The following TMEM132D variants were observed in gnomAD, a reference collection of about 807,000 sequenced individuals.
TMEM132D encodes transmembrane protein 132D.
Under a neutral mutation model 62.3 loss-of-function variants are expected in TMEM132D, and 21 were observed. That is an observed-to-expected ratio of 0.34 (90% CI 0.24 to 0.49). The LOEUF (loss-of-function observed/expected upper bound fraction) is 0.49. TMEM132D is among the 20% of genes least tolerant of loss of function. TMEM132D has a pLI of 0.99. For synonymous variants in TMEM132D, 621 were observed against 575.6 expected, an observed-to-expected ratio of 1.08 and a Z score of -1.13; for missense variants, 1,346 against 1,402.8, an observed-to-expected ratio of 0.96 and a Z score of 0.65.
At chr12:129,638,556 A>AAC (rs1879550996) in intron 2 of TMEM132D, among the ~76,000 whole-genome samples, 1 of 44,982 alleles carries the variant, frequency 2.2e-5, no homozygotes, top group Non-Finnish European at 5.3e-5. Flanking sequence ...AACATATATA[A>AAC]ATATATAAAC....
intron 3 of TMEM132D, among the ~76,000 whole-genome samples, chr12:129,474,338 T>G (rs948303812): frequency 2.0e-5 from 3 of 152,236 alleles, no homozygotes; most frequent in African/African-American, 7.2e-5. Flanking sequence ...CCTAAGTACT[T>G]TATTACAATT....
intron 3 of TMEM132D, among the ~76,000 whole-genome samples, chr12:129,340,925 A>G (rs1054847938): frequency 1.3e-5 from 2 of 152,190 alleles, no homozygotes; most frequent in East Asian, 1.9e-4. Flanking sequence ...TTCTGGAAAG[A>G]TTCCTTAGCT....
chr12:129,376,052 G>A (rs1870770867), intron 3 of TMEM132D, among the ~76,000 whole-genome samples: 1 of 152,236 alleles, frequency 6.6e-6, no homozygotes, highest in Admixed American at 6.5e-5. Context: ...GAACTAGGGT[G>A]AGAATGTGAT....
At chr12:129,240,678 A>G (rs1325072294) in intron 4 of TMEM132D, among the ~76,000 whole-genome samples, 1 of 152,226 alleles carries the variant, frequency 6.6e-6, no homozygotes, top group East Asian at 1.9e-4. Context: ...TTGTCTTCCA[A>G]GATAGAACTC....
chr12:129,877,609 G>GCA (rs1447508887), intron 1 of TMEM132D, among the ~76,000 whole-genome samples: 13 of 94,146 alleles, frequency 1.4e-4, no homozygotes, highest in Admixed American at 9.5e-4. Flanking sequence ...AAACGCGCGC[G>GCA]CGCGCACACA....
At chr12:129,843,941 A>AT (rs1426595139) in intron 1 of TMEM132D, among the ~76,000 whole-genome samples, 8 of 151,536 alleles carry the variant, frequency 5.3e-5, no homozygotes, top group African/African-American at 1.9e-4. Context: ...TTAAAAAAAA[A>AT]ATTTTTTTAA....
intron 2 of TMEM132D, among the ~76,000 whole-genome samples, chr12:129,683,614 C>T (rs895389213): frequency 6.6e-6 from 1 of 152,134 alleles, no homozygotes; most frequent in Non-Finnish European, 1.5e-5. Flanking sequence ...TGGACATTCC[C>T]ATGAGTGTCT....
At position 129,713,017 on chromosome 12, in the gene TMEM132D, C is replaced by T. The variant is rs147046495; in HGVS notation, c.80-12319G>A. On this transcript the variant is annotated intron_variant, in intron 1 of 8. Transcript: ENST00000422113. ...TTTAGCCACTGTTACTTAGCAGCCT[C>T]GTCACTCACAGCTGAGCCTAACCCT... 1.1e-3 allele frequency among the ~76,000 whole-genome samples: 168 copies of T among 152,266 alleles called. 2 individuals are homozygous for T. The highest frequency in any genetic ancestry group is 3.8e-3 in the African/African-American group (159 of 41,540).
intron 1 of TMEM132D, among the ~76,000 whole-genome samples, chr12:129,787,134 T>C (rs1423948308): frequency 1.3e-5 from 2 of 149,828 alleles, no homozygotes; most frequent in African/African-American, 5.0e-5. Flanking sequence ...CCCTCCTCAT[T>C]ATAATTTCTA....
At chr12:129,566,395 T>G (rs1877368973) in intron 2 of TMEM132D, among the ~76,000 whole-genome samples, 1 of 152,036 alleles carries the variant, frequency 6.6e-6, no homozygotes, top group Non-Finnish European at 1.5e-5. Flanking sequence ...CCAAGGTCCT[T>G]CTGAAGTTAA....
At chr12:129,473,321 T>TTTG (rs1297770398) in intron 3 of TMEM132D, among the ~76,000 whole-genome samples, 1 of 102,252 alleles carries the variant, frequency 9.8e-6, no homozygotes, top group Non-Finnish European at 1.9e-5. Context: ...GATTTTAGTT[T>TTTG]TTGTTTTTTT....
chr12:129,248,240 C>T (rs1236057712), intron 4 of TMEM132D, among the ~76,000 whole-genome samples: 1 of 152,186 alleles, frequency 6.6e-6, no homozygotes, highest in Non-Finnish European at 1.5e-5. Flanking sequence ...TCATAGGTGG[C>T]TGGTTTCTCT....
intron 5 of TMEM132D, among the ~76,000 whole-genome samples, chr12:129,181,481 G>A (rs1188549325): frequency 1.3e-5 from 2 of 152,152 alleles, no homozygotes; most frequent in Non-Finnish European, 2.9e-5. Context: ...TCATTCCACT[G>A]CTTAAGGACA....
chr12:129,541,129 C>T (rs1876571867), intron 2 of TMEM132D, among the ~76,000 whole-genome samples: 1 of 152,192 alleles, frequency 6.6e-6, no homozygotes, highest in South Asian at 2.1e-4. Context: ...GGTCAGAGGG[C>T]TCAGTGTAAG....
chr12:129,124,898 C>G lies in TMEM132D; in HGVS notation c.1444-40196G>C, dbSNP rs529733043. ...CCCCCTCCCTCTGAGCCAACAAACT[C>G]AGTTTCCACTCTAAGAGGAATTCTG... On this transcript the variant is annotated intron_variant, in intron 5 of 8. Transcript: ENST00000422113. Among the ~76,000 whole-genome samples, 7 of 152,334 alleles carry G rather than the reference C, an allele frequency of 4.6e-5. No homozygotes were observed. In the South Asian group the frequency reaches 1.2e-3, roughly 27 times the overall value.
At chr12:129,751,118 T>C (rs2137267393) in intron 1 of TMEM132D, among the ~76,000 whole-genome samples, 1 of 152,306 alleles carries the variant, frequency 6.6e-6, no homozygotes, top group African/African-American at 2.4e-5. Context: ...TAATCCATTT[T>C]CACAATGCTA....
At chr12:129,404,055 G>A (rs1336350292) in intron 3 of TMEM132D, among the ~76,000 whole-genome samples, 1 of 152,132 alleles carries the variant, frequency 6.6e-6, no homozygotes, top group Non-Finnish European at 1.5e-5. Flanking sequence ...GTACAGCCTT[G>A]AGAAAGACTT....
At chr12:129,901,514 T>G (rs1284994654) in intron 1 of TMEM132D, among the ~76,000 whole-genome samples, 1 of 152,224 alleles carries the variant, frequency 6.6e-6, no homozygotes, top group African/African-American at 2.4e-5. Context: ...GCTGACTTGC[T>G]TAAGTTCAAT....
intron 3 of TMEM132D, among the ~76,000 whole-genome samples, chr12:129,461,178 G>A (rs1292160324): frequency 6.6e-6 from 1 of 152,104 alleles, no homozygotes; most frequent in African/African-American, 2.4e-5. Context: ...GGTGGAGGAG[G>A]GGAAGAATAG....
Sources: allele counts gnomAD v4.1 joint callset (sites outside exome capture counted in the v4.1 genomes callset), GRCh38; gene constraint gnomAD v4.1.1; transcripts MANE v1.5; gene names NCBI Gene and HGNC (gene_info 2026-07-23, HGNC 2026-07-21).